FOXP2: variants seen among roughly 807,000 people sequenced by gnomAD.
FOXP2 encodes the protein forkhead box P2.
Under a neutral mutation model 115.8 loss-of-function variants are expected in FOXP2, and 12 were observed. The ratio of observed to expected loss-of-function variants is 0.10; its 90% CI spans 0.07 to 0.17. The LOEUF (loss-of-function observed/expected upper bound fraction) is 0.17, where lower values mean the gene tolerates loss of function less well. Among genes scored for constraint, FOXP2 ranks in the 10% least tolerant of loss-of-function variants. The pLI is 1.00. For missense variants in FOXP2, 629 were observed against 843.5 expected, an observed-to-expected ratio of 0.75 and a Z score of 3.15; for synonymous variants, 328 against 297.7, an observed-to-expected ratio of 1.10 and a Z score of -1.05.
intron 5 of FOXP2, 105 bp from the exon 6 acceptor site, chr7:114,631,423 A>G: frequency 4.6e-6 from 7 of 1,535,770 alleles, no homozygotes; most frequent in Non-Finnish European, 6.1e-6. Flanking sequence ...GGGATGACCA[A>G]AAAACCCACT....
chr7:114,292,487 T>G (rs1796630965), intron 2 of FOXP2, among the ~76,000 whole-genome samples: 1 of 152,070 alleles, frequency 6.6e-6, no homozygotes, highest in African/African-American at 2.4e-5. Flanking sequence ...AACCCAAATA[T>G]CTTACCTTTT....
intron 3 of FOXP2, among the ~76,000 whole-genome samples, chr7:114,559,692 C>A (rs573082794): frequency 3.1e-4 from 47 of 150,840 alleles, no homozygotes; most frequent in African/African-American, 1.1e-3. Flanking sequence ...ACCATACTGG[C>A]TAACACGGTG....
At chr7:114,449,535 T>C (rs1794980697) in intron 2 of FOXP2, among the ~76,000 whole-genome samples, 1 of 152,082 alleles carries the variant, frequency 6.6e-6, no homozygotes, top group African/African-American at 2.4e-5. Context: ...AGAAACTGTA[T>C]GTATCTGACA....
chr7:114,206,692 A>G (rs1466545492), intron 1 of FOXP2, among the ~76,000 whole-genome samples: 1 of 151,880 alleles, frequency 6.6e-6, no homozygotes, highest in Non-Finnish European at 1.5e-5. Flanking sequence ...CCCACTTTAT[A>G]CCTCTTTCTA....
chr7:114,368,629 C>G (rs550003848), intron 2 of FOXP2, among the ~76,000 whole-genome samples: 1 of 152,260 alleles, frequency 6.6e-6, no homozygotes, highest in South Asian at 2.1e-4. Context: ...GACGACTGAG[C>G]AGATTGGCAA....
intron 1 of FOXP2, among the ~76,000 whole-genome samples, chr7:114,424,863 C>G (rs1445221993): frequency 6.6e-6 from 1 of 150,974 alleles, no homozygotes; most frequent in East Asian, 2.0e-4. Flanking sequence ...TTTTGTTACA[C>G]TAACTTGCTT....
chr7:114,231,128 A>G (rs1315796765), intron 1 of FOXP2, among the ~76,000 whole-genome samples: 1 of 152,102 alleles, frequency 6.6e-6, no homozygotes, highest in Non-Finnish European at 1.5e-5. Flanking sequence ...TATGAAAACA[A>G]TATCATTTAA....
chr7:114,528,153 C>T (rs141384461), intron 2 of FOXP2, among the ~76,000 whole-genome samples: 1,730 of 152,104 alleles, frequency 0.011, 28 homozygotes, highest in African/African-American at 0.036. Context: ...CTAGACTAAG[C>T]GTATGCTCTA....
chr7:114,497,271 T>C (rs1349700890), intron 2 of FOXP2, among the ~76,000 whole-genome samples: 1 of 152,222 alleles, frequency 6.6e-6, no homozygotes, highest in East Asian at 1.9e-4. Flanking sequence ...GTTTACATTT[T>C]ATTCTAAGAC....
chr7:114,168,762 C>T (rs543024135), intron 1 of FOXP2, among the ~76,000 whole-genome samples: 1 of 152,292 alleles, frequency 6.6e-6, no homozygotes, highest in Admixed American at 6.5e-5. Flanking sequence ...GTCTTCATGG[C>T]ATCCCCTCCC....
intron 3 of FOXP2, among the ~76,000 whole-genome samples, chr7:114,606,516 CAAT>C (rs1322489968): frequency 3.9e-5 from 6 of 152,162 alleles, no homozygotes; most frequent in Non-Finnish European, 8.8e-5. Flanking sequence ...AGGTATGTCA[CAAT>C]GAGAAAATTA....
At chr7:114,120,407 A>T (rs1233392303) in intron 1 of FOXP2, among the ~76,000 whole-genome samples, 1 of 152,134 alleles carries the variant, frequency 6.6e-6, no homozygotes, top group Non-Finnish European at 1.5e-5. Flanking sequence ...ATAGTAGTAA[A>T]CTTTGAAAGC....
chr7:114,549,978 C>G (rs970545373), intron 3 of FOXP2, among the ~76,000 whole-genome samples: 1 of 151,856 alleles, frequency 6.6e-6, no homozygotes, highest in East Asian at 1.9e-4. Flanking sequence ...TATTTATTTG[C>G]AGTAAGGCAT....
chr7:114,535,341 G>A (rs1038312274), intron 3 of FOXP2, among the ~76,000 whole-genome samples: 1 of 151,040 alleles, frequency 6.6e-6, no homozygotes, highest in Non-Finnish European at 1.5e-5. Context: ...TTTCTTGGTG[G>A]GGGGGGAAAC....
intron 2 of FOXP2, among the ~76,000 whole-genome samples, chr7:114,519,986 T>A (rs1257359188): frequency 6.6e-6 from 1 of 152,184 alleles, no homozygotes; most frequent in Non-Finnish European, 1.5e-5. Context: ...TTAAAAAATA[T>A]GTATGATAAA....
intron 16 of FOXP2, among the ~76,000 whole-genome samples, chr7:114,676,075 ATTTTTTTTTTT>A (rs11327459): frequency 6.7e-5 from 6 of 89,564 alleles, no homozygotes; most frequent in African/African-American, 3.0e-4. Context: ...AGGCCCGGCT[ATTTTTTTTTTT>A]TTTTTTTTTT....
chr7:114,476,920 A>G (rs1796298633), intron 2 of FOXP2, among the ~76,000 whole-genome samples: 2 of 152,062 alleles, frequency 1.3e-5, no homozygotes, highest in African/African-American at 4.8e-5. Flanking sequence ...ATCACTAATC[A>G]TCAAATAACT....
At chr7:114,341,908 T>C (rs1791226051) in intron 2 of FOXP2, among the ~76,000 whole-genome samples, 1 of 151,298 alleles carries the variant, frequency 6.6e-6, no homozygotes, top group Admixed American at 6.6e-5. Flanking sequence ...ACTGCCAAAG[T>C]CTACTTGATT....
chr7:114,123,738 T>C (rs781676830), intron 1 of FOXP2, among the ~76,000 whole-genome samples: 1 of 152,136 alleles, frequency 6.6e-6, no homozygotes, highest in Non-Finnish European at 1.5e-5. Flanking sequence ...ATTCAGTATG[T>C]AATATAAAAA....
Sources: gnomAD v4.1 joint callset for allele counts (sites outside exome capture counted in the v4.1 genomes callset) on GRCh38, gnomAD v4.1.1 for gene constraint, MANE v1.5 for transcripts, NCBI Gene and HGNC (gene_info 2026-07-23, HGNC 2026-07-21) for gene names.